The following RGS6 variants were observed in gnomAD, a reference collection of about 807,000 sequenced individuals.
RGS6 encodes regulator of G protein signaling 6.
In RGS6, 30 loss-of-function variants were observed where a neutral mutation model predicts 78.5. The ratio of observed to expected loss-of-function variants is 0.38; its 90% confidence interval spans 0.29 to 0.52. The LOEUF is 0.52. Ranked by LOEUF, RGS6 falls within the 20% of genes least tolerant of loss-of-function variation. The probability of loss-of-function intolerance (pLI) is 0.85; values close to 1 mark genes in which losing one functional copy is unlikely to be tolerated. For missense variants in RGS6, 495 were observed against 609.7 expected (o/e 0.81, Z 1.98); for synonymous variants, 206 against 206.0 (o/e 1.00, Z 0.00).
chr14:72,134,639 G>T (rs971369644), intron 2 of RGS6, among the ~76,000 whole-genome samples: 1 of 152,182 alleles, frequency 6.6e-6, no homozygotes, highest in Admixed American at 6.6e-5. Flanking sequence ...TATGGGAATT[G>T]GCTCATGTGA....
intron 1 of RGS6, among the ~76,000 whole-genome samples, chr14:71,940,294 A>C (rs986788338): frequency 6.6e-6 from 1 of 152,152 alleles, no homozygotes; most frequent in African/African-American, 2.4e-5. Context: ...CTACTGCATA[A>C]ATTTTCAGTC....
intron 2 of RGS6, among the ~76,000 whole-genome samples, chr14:72,049,403 T>G (rs1043335613): frequency 6.6e-6 from 1 of 152,208 alleles, no homozygotes; most frequent in African/African-American, 2.4e-5. Context: ...AAGTGAGGGC[T>G]TCGAGCCACA....
At chr14:72,129,526 A>G (rs1001896368) in intron 2 of RGS6, among the ~76,000 whole-genome samples, 2 of 152,188 alleles carry the variant, frequency 1.3e-5, no homozygotes, top group African/African-American at 2.4e-5. Context: ...ATAACAGCAG[A>G]TGGAGGTTCA....
intron 2 of RGS6, among the ~76,000 whole-genome samples, chr14:72,109,196 G>A (rs1471617238): frequency 6.6e-6 from 1 of 151,446 alleles, no homozygotes; most frequent in Non-Finnish European, 1.5e-5. Flanking sequence ...CTCCAGTGTG[G>A]TACCTTGTTT....
At chr14:72,588,442 G>A in the RGS6 span, among the ~76,000 whole-genome samples, 1 of 152,286 alleles carries the variant, frequency 6.6e-6, no homozygotes, top group Non-Finnish European at 1.5e-5. Flanking sequence ...CCCTTTGCAG[G>A]AATTAGATGT....
chr14:71,939,484 CA>C (rs1297545317), intron 1 of RGS6, among the ~76,000 whole-genome samples: 5 of 152,160 alleles, frequency 3.3e-5, no homozygotes, highest in African/African-American at 1.2e-4. Context: ...GATTATGACA[CA>C]AAGCCAGAGA....
chr14:72,300,723 G>C (rs528449726), intron 2 of RGS6, among the ~76,000 whole-genome samples: 4 of 152,324 alleles, frequency 2.6e-5, no homozygotes, highest in African/African-American at 7.2e-5. Flanking sequence ...TTGAATGCAG[G>C]CATGCGGAAT....
chr14:72,104,637 G>A (rs2095596997), intron 2 of RGS6, among the ~76,000 whole-genome samples: 1 of 152,148 alleles, frequency 6.6e-6, no homozygotes, highest in Non-Finnish European at 1.5e-5. Context: ...TTCTCTGTTT[G>A]GACTCCTGCA....
At chr14:72,040,217 C>A (rs2092264837) in intron 2 of RGS6, among the ~76,000 whole-genome samples, 1 of 151,978 alleles carries the variant, frequency 6.6e-6, no homozygotes, top group Non-Finnish European at 1.5e-5. Flanking sequence ...ATATATTGAC[C>A]TTTACCAGGG....
At chr14:72,330,066 G>A (rs566313074) in intron 2 of RGS6, among the ~76,000 whole-genome samples, 3 of 152,358 alleles carry the variant, frequency 2.0e-5, no homozygotes, top group East Asian at 1.9e-4. Flanking sequence ...CACAGTCAAC[G>A]TTAGTGAGGG....
intron 2 of RGS6, among the ~76,000 whole-genome samples, chr14:72,187,562 A>T (rs1328043315): frequency 1.3e-5 from 2 of 152,180 alleles, no homozygotes; most frequent in Non-Finnish European, 2.9e-5. Flanking sequence ...AGCAGGGGAC[A>T]GGCTTGAAAT....
At chr14:72,151,571 C>G (rs72719851) in intron 2 of RGS6, among the ~76,000 whole-genome samples, 16,777 of 152,124 alleles carry the variant, frequency 0.11, 936 homozygotes, top group African/African-American at 0.12. Flanking sequence ...AGTGGCCACG[C>G]TGAATCTCTA....
intron 2 of RGS6, among the ~76,000 whole-genome samples, chr14:72,183,510 A>T (rs1421039125): frequency 6.6e-6 from 1 of 152,236 alleles, no homozygotes; most frequent in Non-Finnish European, 1.5e-5. Flanking sequence ...TGGTTTGATC[A>T]TTGACTCACT....
chr14:72,139,835 C>G (rs2096510969), intron 2 of RGS6, among the ~76,000 whole-genome samples: 1 of 147,746 alleles, frequency 6.8e-6, no homozygotes, highest in South Asian at 2.2e-4. Flanking sequence ...CTCAGGCAGA[C>G]TTTTTTTTTT....
chr14:72,556,330 C>T (rs1476620788), intron 17 of RGS6, among the ~76,000 whole-genome samples: 1 of 152,130 alleles, frequency 6.6e-6, no homozygotes, highest in African/African-American at 2.4e-5. Flanking sequence ...ACTTAAAAAA[C>T]CATCGGATCT....
intron 2 of RGS6, among the ~76,000 whole-genome samples, chr14:72,027,104 A>G (rs540183284): frequency 1.3e-5 from 2 of 152,146 alleles, no homozygotes; most frequent in South Asian, 4.2e-4. Context: ...AAATGGGTGG[A>G]GGCTGATCCT....
At chr14:72,400,443 A>ATCAT (rs1289812243) in intron 3 of RGS6, among the ~76,000 whole-genome samples, 1 of 152,310 alleles carries the variant, frequency 6.6e-6, no homozygotes, top group African/African-American at 2.4e-5. Context: ...ATAGATCATT[A>ATCAT]TCATTCATTC....
chr14:72,328,551 G>T (rs899979329), intron 2 of RGS6, among the ~76,000 whole-genome samples: 3 of 152,096 alleles, frequency 2.0e-5, no homozygotes, highest in South Asian at 4.2e-4. Context: ...AAGTGAAGGG[G>T]GTAGGCATGA....
chr14:72,413,284 A>G (rs2093565130), intron 3 of RGS6, among the ~76,000 whole-genome samples: 1 of 152,216 alleles, frequency 6.6e-6, no homozygotes, highest in Non-Finnish European at 1.5e-5. Flanking sequence ...TAGGATAGTT[A>G]GTTCTTCTTG....
Sources: allele counts gnomAD v4.1 joint callset (sites outside exome capture counted in the v4.1 genomes callset), GRCh38; gene constraint gnomAD v4.1.1; transcripts MANE v1.5; gene names NCBI Gene and HGNC (gene_info 2026-07-23, HGNC 2026-07-21).